The following C7orf78 variants were observed in gnomAD, a reference collection of about 807,000 sequenced individuals.
C7orf78 encodes putative uncharacterized protein C7orf78.
chr7:12,523,080 A>T, the C7orf78 span: 1 of 398,328 alleles, frequency 2.5e-6, no homozygotes, highest in East Asian at 3.6e-5. Flanking sequence ...CAGGATCTCA[A>T]CTCCAAATGG....
the C7orf78 span, chr7:12,541,687 A>G: frequency 6.6e-6 from 1 of 152,234 alleles, no homozygotes; most frequent in South Asian, 2.1e-4. Flanking sequence ...AAGAAAAGAA[A>G]AAGAGTATAT....
chr7:12,532,418 G>A, the C7orf78 span, among the ~76,000 whole-genome samples: 14 of 152,004 alleles, frequency 9.2e-5, no homozygotes, highest in African/African-American at 3.1e-4. Context: ...GTGTAATGGT[G>A]GGCGCCTGTA....
chr7:12,506,763 A>T, the C7orf78 span: 1 of 321,980 alleles, frequency 3.1e-6, no homozygotes, highest in African/African-American at 2.3e-5. Flanking sequence ...CACATTGTGC[A>T]CATGTACCCT....
the C7orf78 span, chr7:12,496,345 C>T: frequency 0.95 from 144,824 of 152,354 alleles, 68,890 homozygotes; most frequent in East Asian, 1. Context: ...GTCAGTTGGC[C>T]ACAAAATAAT....
the C7orf78 span, among the ~76,000 whole-genome samples, chr7:12,539,531 G>C: frequency 6.6e-6 from 1 of 152,166 alleles, no homozygotes; most frequent in Non-Finnish European, 1.5e-5. Context: ...GGACAGAAGA[G>C]AGGGTGAGAG....
chr7:12,528,723 A>G, the C7orf78 span, among the ~76,000 whole-genome samples: 1 of 152,218 alleles, frequency 6.6e-6, no homozygotes, highest in African/African-American at 2.4e-5. Context: ...GAAAGACAAA[A>G]TTAACTCCAG....
the C7orf78 span, among the ~76,000 whole-genome samples, chr7:12,503,727 A>G: frequency 6.6e-6 from 1 of 151,958 alleles, no homozygotes; most frequent in Non-Finnish European, 1.5e-5. Context: ...GAAGTTTTCT[A>G]TTTTAAAAAG....
the C7orf78 span, chr7:12,483,395 A>G: frequency 6.6e-6 from 1 of 152,230 alleles, no homozygotes; most frequent in Non-Finnish European, 1.5e-5. Flanking sequence ...CATCAGTTAG[A>G]TTTGAGACAA....
At chr7:12,502,881 C>T in the C7orf78 span, among the ~76,000 whole-genome samples, 33,552 of 147,294 alleles carry the variant, frequency 0.23, 4,917 homozygotes, top group East Asian at 0.52. Context: ...GGCACATATA[C>T]ACCATGGAAT....
chr7:12,531,942 T>C, the C7orf78 span, among the ~76,000 whole-genome samples: 2 of 152,162 alleles, frequency 1.3e-5, no homozygotes, highest in South Asian at 4.1e-4. Context: ...CGGTGTCTGA[T>C]TTACATAGAG....
chr7:12,507,480 A>G, the C7orf78 span: 1 of 206,278 alleles, frequency 4.8e-6, no homozygotes, highest in Non-Finnish European at 1.1e-5. Context: ...TACATTAGAT[A>G]GCAAGGTTGA....
the C7orf78 span, among the ~76,000 whole-genome samples, chr7:12,522,456 C>A: frequency 6.6e-6 from 1 of 152,082 alleles, no homozygotes; most frequent in Non-Finnish European, 1.5e-5. Flanking sequence ...ATGGTTTAGG[C>A]AGCCATAGAT....
At chr7:12,523,587 T>C in the C7orf78 span, among the ~76,000 whole-genome samples, 1 of 152,158 alleles carries the variant, frequency 6.6e-6, no homozygotes, top group Non-Finnish European at 1.5e-5. Context: ...TACAATACAA[T>C]TCACATTTAG....
chr7:12,529,406 AC>A, the C7orf78 span, among the ~76,000 whole-genome samples: 3 of 152,274 alleles, frequency 2.0e-5, no homozygotes, highest in East Asian at 5.8e-4. Context: ...TAGTAATGCT[AC>A]ATACTTTTTA....
At chr7:12,518,983 G>A in the C7orf78 span, among the ~76,000 whole-genome samples, 2 of 152,104 alleles carry the variant, frequency 1.3e-5, no homozygotes, top group Admixed American at 1.3e-4. Context: ...TACAGAACCC[G>A]TGCTGCTGGT....
At chr7:12,490,567 G>C in the C7orf78 span, among the ~76,000 whole-genome samples, 333 of 152,198 alleles carry the variant, frequency 2.2e-3, no homozygotes, top group Non-Finnish European at 3.5e-3. Context: ...ATAGGATATG[G>C]GGAGGGGAAA....
chr7:12,523,178 A>G, the C7orf78 span: 1 of 398,468 alleles, frequency 2.5e-6, no homozygotes, highest in Non-Finnish European at 4.4e-6. Flanking sequence ...CAAACTGTAT[A>G]CATCTTTGAG....
chr7:12,526,358 C>G, the C7orf78 span, among the ~76,000 whole-genome samples: 1 of 152,094 alleles, frequency 6.6e-6, no homozygotes. Flanking sequence ...AAATAACATA[C>G]ACACATGCAT....
chr7:12,509,759 T>G, the C7orf78 span, among the ~76,000 whole-genome samples: 1 of 152,222 alleles, frequency 6.6e-6, no homozygotes, highest in Non-Finnish European at 1.5e-5. Context: ...CTTAACATAA[T>G]GACTTCTATC....
Sources: allele counts gnomAD v4.1 joint callset (sites outside exome capture counted in the v4.1 genomes callset), GRCh38; gene constraint gnomAD v4.1.1; transcripts MANE v1.5; gene names NCBI Gene and HGNC (gene_info 2026-07-23, HGNC 2026-07-21).